SLC2A3: variants seen among roughly 807,000 people sequenced by gnomAD.
SLC2A3 encodes the protein solute carrier family 2, facilitated glucose transporter member 3.
In SLC2A3, 21 loss-of-function variants were observed where a neutral mutation model predicts 46.4. The observed-to-expected ratio is 0.45, with a 90% confidence interval of 0.32 to 0.65. The LOEUF is 0.65. SLC2A3 is among the 30% of genes least tolerant of loss of function. SLC2A3 has a pLI of 0.04. For synonymous variants in SLC2A3, 213 were observed against 239.4 expected (o/e 0.89, Z 1.02); for missense variants, 499 against 623.3 (o/e 0.80, Z 2.12).
intron 6 of SLC2A3, among the ~76,000 whole-genome samples, chr12:7,928,725 TA>T (rs1359296849): frequency 1.3e-5 from 2 of 152,124 alleles, no homozygotes; most frequent in African/African-American, 4.8e-5. Flanking sequence ...TTTTCTCCAG[TA>T]ATACGTGTGG....
At chr12:7,932,334 C>T (rs184135109) in intron 3 of SLC2A3, among the ~76,000 whole-genome samples, 6 of 152,006 alleles carry the variant, frequency 3.9e-5, no homozygotes, top group Non-Finnish European at 7.4e-5. Context: ...CCTGTCACTA[C>T]GCCCGGCTAA....
chr12:7,935,104 T>C (rs762914930), intron 1 of SLC2A3, among the ~76,000 whole-genome samples: 57 of 151,462 alleles, frequency 3.8e-4, no homozygotes, highest in African/African-American at 1.3e-3. Context: ...GCTGGGGTTA[T>C]AGGTGTGACC....
At chr12:7,930,351 A>C (rs965003895) in intron 5 of SLC2A3, 129 bp downstream of exon 5, 1 of 1,051,368 alleles carries the variant, frequency 9.5e-7, no homozygotes, top group Non-Finnish European at 1.4e-6. Context: ...CTCAGGAGTA[A>C]TCAGAACCCT....
intron 4 of SLC2A3, among the ~76,000 whole-genome samples, chr12:7,930,900 C>T (rs1260106701): frequency 6.7e-6 from 1 of 149,584 alleles, no homozygotes; most frequent in Non-Finnish European, 1.5e-5. Flanking sequence ...GGGTTCACGC[C>T]ATTCTCCCGC....
intron 6 of SLC2A3, 115 bp from the exon 7 acceptor site, chr12:7,926,063 G>C: frequency 1.2e-6 from 1 of 806,002 alleles, no homozygotes; most frequent in Non-Finnish European, 2.1e-6. Flanking sequence ...CTAGGTTTTC[G>C]TTCAATACTA....
At chr12:7,927,070 G>T (rs1946102494) in intron 6 of SLC2A3, among the ~76,000 whole-genome samples, 2 of 152,006 alleles carry the variant, frequency 1.3e-5, no homozygotes, top group South Asian at 4.1e-4. Flanking sequence ...TATGAATATG[G>T]ACCTCTACAT....
chr12:7,930,710 A>T (rs368256337), intron 4 of SLC2A3, 68 bp from the exon 5 acceptor site: 1 of 1,471,070 alleles, frequency 6.8e-7, no homozygotes. Flanking sequence ...TTAAAACACA[A>T]AAAGTTCAGA....
intron 9 of SLC2A3, among the ~76,000 whole-genome samples, chr12:7,921,943 A>T (rs1270696034): frequency 6.6e-6 from 1 of 152,072 alleles, no homozygotes; most frequent in Non-Finnish European, 1.5e-5. Flanking sequence ...CCATAATCCC[A>T]GCACTTTGGG....
chr12:7,931,013 G>A (rs898596187), intron 4 of SLC2A3, among the ~76,000 whole-genome samples: 3 of 151,946 alleles, frequency 2.0e-5, no homozygotes, highest in African/African-American at 7.3e-5. Context: ...AGCCAGGCTG[G>A]TCTTCATCTG....
intron 5 of SLC2A3, 81 bp downstream of exon 5, chr12:7,930,399 C>G: frequency 1.5e-6 from 2 of 1,369,506 alleles, no homozygotes; most frequent in South Asian, 2.6e-5. Context: ...AAGAGTGTAA[C>G]AGAAAGTAGG....
intron 2 of SLC2A3, 50 bp from the exon 3 acceptor site, chr12:7,933,197 G>T: frequency 6.3e-7 from 1 of 1,585,492 alleles, no homozygotes; most frequent in South Asian, 1.1e-5. Flanking sequence ...AGTTGGATGA[G>T]AACAAAAGAC....
rs117092843 is a variant in SLC2A3, at chr12:7,927,758, A to C, written c.862-1810T>G. On this transcript the variant is annotated intron_variant, in intron 6 of 9. Transcript: ENST00000075120. The stretch of plus-strand genomic sequence containing the variant: ...TAGCGCAAAATCTACTCATTGACTA[A>C]ATTGGGAGCCAGCTTAGTCCAACAA... Among the ~76,000 whole-genome samples, 174 of 152,148 alleles carry C rather than the reference A, an allele frequency of 1.1e-3. 5 individuals are homozygous for C. The East Asian group carries it at 0.03, about 26-fold the overall frequency.
At chr12:7,934,008 G>A in intron 1 of SLC2A3, 106 bp from the exon 2 acceptor site, 1 of 1,055,198 alleles carries the variant, frequency 9.5e-7, no homozygotes, top group Admixed American at 2.3e-5. Context: ...GTTATGAGTG[G>A]TATGAAAAGA....
chr12:7,927,270 G>A (rs1397327814), intron 6 of SLC2A3, among the ~76,000 whole-genome samples: 4 of 152,078 alleles, frequency 2.6e-5, no homozygotes, highest in East Asian at 1.9e-4. Flanking sequence ...ATATGATGGC[G>A]TCAAGCTTGT....
In SLC2A3 at chr12:7,930,482, T is replaced by C. The variant is rs150495554; in HGVS notation, c.671A>G (p.Gln224Arg). 80 of 1,613,066 alleles carry C rather than the reference T, an allele frequency of 5.0e-5. No homozygotes were observed. The African/African-American group carries it at 8.5e-4, about 17-fold the overall frequency. The change falls in exon 5 of 10, where the codon CAG (glutamine) becomes CGG (arginine). Residue 224 changes from glutamine (Q) to arginine (R), a missense_variant and splice_region_variant. By Grantham distance (43) the Gln-to-Arg change is conservative. Coordinates refer to ENST00000075120, the MANE Select transcript of SLC2A3 (RefSeq NM_006931.3). ...AGTAAGGTGTGAAGGATACTCACTC[T>C]GCTTAGCATTCTCCTCTTCTTTTCT... The part of the protein sequence containing the change: ...INRKEEENAK[Q>R]ILQRLWGTQD...
Position 7,931,367 on chromosome 12 carries a change from A to G in SLC2A3, c.388T>C (p.Phe130Leu), listed in dbSNP as rs1220447826. The change falls in exon 4 of 10, where the codon TTC becomes CTC. Residue 130 changes from phenylalanine (F) to leucine (L), a missense_variant. Phe to Leu is a conservative substitution (Grantham distance 22, BLOSUM62 0). Transcript: ENST00000075120. ...LILGRLVIGLFCGLCTGFVPM... is the reference protein window; with the variant it reads ...LILGRLVIGLLCGLCTGFVPM... ...ACAAAACCTGTGCAGAGTCCGCAGAAGAGGCCAATAACCAAGCGACCCAGG... is the reference window on the plus strand; with the variant it reads ...ACAAAACCTGTGCAGAGTCCGCAGAGGAGGCCAATAACCAAGCGACCCAGG... 5 of 1,614,182 alleles carry G rather than the reference A, an allele frequency of 3.1e-6. No homozygotes were observed. The highest frequency in any genetic ancestry group is 1.1e-5 in the South Asian group (1 of 91,082).
intron 4 of SLC2A3, 150 bp from the exon 5 acceptor site, chr12:7,930,792 GTTTTTTTTTT>G: frequency 1.2e-5 from 3 of 245,162 alleles, no homozygotes; most frequent in Non-Finnish European, 6.4e-6. Flanking sequence ...ACTCAGCATG[GTTTTTTTTTT>G]TTTTTTTTTT....
At position 7,919,835 on chromosome 12, in the gene SLC2A3, G is replaced by A. The variant is rs1325681687; in HGVS notation, c.*1578C>T. Reference sequence around the variant, plus strand: ...CTGAGATGTGTAAGCACCAAGAAGGGAAAGGGAGACTGAGCAACATATGAA... The same window carrying A: ...CTGAGATGTGTAAGCACCAAGAAGGAAAAGGGAGACTGAGCAACATATGAA... On this transcript the variant is annotated 3_prime_UTR_variant, in exon 10 of 10. Transcript: ENST00000075120. 2.0e-5 allele frequency: 3 copies of A among 152,150 alleles called. No individual in the cohort carries two copies. Among genetic ancestry groups the A allele is most frequent in the Non-Finnish European group, 4.4e-5 (3 of 68,048 alleles). The allele number at this position is 152,150 out of a possible 1,614,324, so 9.4% of individuals were successfully genotyped here. A position where few individuals can be genotyped will look rare whatever the true frequency, so the allele number is the denominator to read the frequency against.
chr12:7,926,073 A>G (rs766724386), intron 6 of SLC2A3, 125 bp from the exon 7 acceptor site: 115 of 738,588 alleles, frequency 1.6e-4, no homozygotes, highest in East Asian at 3.8e-4. Flanking sequence ...GTTCAATACT[A>G]ATATCCCTTC....
Sources: gnomAD v4.1 joint callset for allele counts (sites outside exome capture counted in the v4.1 genomes callset) on GRCh38, gnomAD v4.1.1 for gene constraint, MANE v1.5 for transcripts, NCBI Gene and HGNC (gene_info 2026-07-23, HGNC 2026-07-21) for gene names.